RFPL2: variants seen among roughly 807,000 people sequenced by gnomAD.
RFPL2 encodes ret finger protein-like 2.
RFPL2 carries 13 observed loss-of-function variants against 17.8 expected under a neutral mutation model. The ratio of observed to expected loss-of-function variants is 0.73; its 90% CI spans 0.47 to 1.16. The LOEUF (loss-of-function observed/expected upper bound fraction) is 1.16, where lower values mean the gene tolerates loss of function less well. Among genes scored for constraint, RFPL2 ranks in the 50% most tolerant of loss-of-function variants. The pLI is 0.00. For synonymous variants in RFPL2, 189 were observed against 180.9 expected, an observed-to-expected ratio of 1.04 and a Z score of -0.36; for missense variants, 431 against 479.3, an observed-to-expected ratio of 0.90 and a Z score of 0.94.
intron 4 of RFPL2, among the ~76,000 whole-genome samples, 198 bp downstream of exon 4, chr22:32,192,704 A>G (rs141427979): frequency 0.011 from 1,715 of 152,318 alleles, 32 homozygotes; most frequent in African/African-American, 0.034. Context: ...TGACATAGAC[A>G]TCGGGTTTTT....
At chr22:32,196,860 C>T (rs1923388036) in intron 2 of RFPL2, among the ~76,000 whole-genome samples, 1 of 152,120 alleles carries the variant, frequency 6.6e-6, no homozygotes, top group South Asian at 2.1e-4. Flanking sequence ...GGACACGGAG[C>T]CACAGTCCGT....
chr22:32,202,822 C>T, intron 1 of RFPL2: 1 of 1,063,646 alleles, frequency 9.4e-7, no homozygotes, highest in Non-Finnish European at 1.1e-6. Flanking sequence ...CCAGCCCTCC[C>T]CACCCAAGTG....
At position 32,191,386 on chromosome 22, in the gene RFPL2, G is replaced by A; in HGVS notation, c.557-34C>T. On this transcript the variant is annotated intron_variant, in intron 4 of 4. Transcript: ENST00000652607. ...AGGAAAAAAAGTTGCTCAGCAAATG[G>A]ACAGAAACCAACCCTATGCCTCTCT... is the stretch of plus-strand genomic sequence containing the variant. 3 of 1,585,814 alleles carry A rather than the reference G, an allele frequency of 1.9e-6. No individual in the cohort carries two copies. In the East Asian group the frequency reaches 6.7e-5, roughly 36 times the overall value.
Position 32,191,828 on chromosome 22 carries a change from A to T in RFPL2, c.557-476T>A, listed in dbSNP as rs556102720. Among the ~76,000 whole-genome samples, 5 of 152,344 alleles carry T rather than the reference A, an allele frequency of 3.3e-5. No homozygotes were observed. In the South Asian group the frequency reaches 1.0e-3, roughly 32 times the overall value. On this transcript the variant is annotated intron_variant, in intron 4 of 4. Coordinates refer to ENST00000652607, the MANE Select transcript of RFPL2 (RefSeq NM_001394555.1). ...ATTAATCGTGTACAGTTCTGACAGA[A>T]GATGGAATATCTCTGCAGCTGACGG...
chr22:32,192,983 T>A lies in RFPL2; in HGVS notation c.475A>T (p.Arg159Trp). ...AGTTCCTTGATGTGGGAAGCCAGCCTCTCTAGCTGCCGATTGCGCCTGATT... is the reference window on the plus strand; with the variant it reads ...AGTTCCTTGATGTGGGAAGCCAGCCACTCTAGCTGCCGATTGCGCCTGATT... ...NKIRRNRQLE[R>W]LASHIKELEP... Residue 159 changes from arginine (R) to tryptophan (W), a missense_variant, in exon 4 of 5, where the codon AGG (arginine) becomes TGG (tryptophan). Physicochemically the swap from Arg to Trp is moderately radical, Grantham distance 101. Transcript: ENST00000652607. The A allele has an allele frequency of 6.2e-7, 1 of 1,614,132 alleles. No homozygotes were observed. Among genetic ancestry groups the A allele is most frequent in the South Asian group, 1.1e-5 (1 of 91,064 alleles).
intron 2 of RFPL2, among the ~76,000 whole-genome samples, chr22:32,200,730 C>T (rs1387817783): frequency 1.3e-5 from 2 of 152,028 alleles, no homozygotes; most frequent in Non-Finnish European, 2.9e-5. Context: ...GTCTTGAAAT[C>T]CTATTCTTGG....
At chr22:32,194,634 C>G (rs1265606328) in intron 2 of RFPL2, 144 bp from the exon 3 acceptor site, 1 of 775,442 alleles carries the variant, frequency 1.3e-6, no homozygotes, top group East Asian at 2.7e-5. Context: ...TTAAATTAGG[C>G]TTAATGTACT....
At chr22:32,200,182 C>A in intron 2 of RFPL2, 1 of 383,708 alleles carries the variant, frequency 2.6e-6, no homozygotes, top group Non-Finnish European at 5.2e-6. Flanking sequence ...TGCCGGGTCA[C>A]ACACAAAGAG....
intron 2 of RFPL2, among the ~76,000 whole-genome samples, chr22:32,195,431 G>A (rs1423169270): frequency 6.6e-6 from 1 of 151,434 alleles, no homozygotes; most frequent in Admixed American, 6.6e-5. Context: ...AGGATAATTA[G>A]CACACTCTAA....
chr22:32,191,242 T>C lies in RFPL2; in HGVS notation c.667A>G (p.Arg223Gly), dbSNP rs751688452. ...AGGATGCAAACGGACACGTCAAATC[T>C]CTCGGCAAGGTCTTGCCGATTCTGT... ...IRQNRQDLAE[R>G]FDVSVCILGS... Residue 223 changes from arginine (R) to glycine (G), a missense_variant, in exon 5 of 5, where the codon AGA becomes GGA. Transcript: ENST00000652607. 1 of 1,613,968 alleles carries C rather than the reference T, an allele frequency of 6.2e-7. No individual in the cohort carries two copies. Among genetic ancestry groups the C allele is most frequent in the Non-Finnish European group, 8.5e-7 (1 of 1,179,876 alleles).
intron 2 of RFPL2, among the ~76,000 whole-genome samples, chr22:32,197,312 C>A (rs184119072): frequency 6.6e-6 from 1 of 152,190 alleles, no homozygotes; most frequent in Non-Finnish European, 1.5e-5. Flanking sequence ...GGGACTGACC[C>A]AGAGGGTGGT....
intron 2 of RFPL2, among the ~76,000 whole-genome samples, chr22:32,194,934 A>C (rs1218393719): frequency 2.6e-5 from 4 of 152,228 alleles, no homozygotes; most frequent in South Asian, 2.1e-4. Flanking sequence ...CTATTTTGAC[A>C]AATGACCATT....
At position 32,193,120 on chromosome 22, in the gene RFPL2, G is replaced by A. The variant is rs754522150; in HGVS notation, c.338C>T (p.Ser113Phe). The A allele has an allele frequency of 3.1e-6, 5 of 1,613,866 alleles. No homozygotes were observed. The South Asian group carries it at 3.3e-5, about 11-fold the overall frequency. ...GCAGACGGCGCATCCACACTCCAGG[G>A]ACATTGGTTTTTCCAGATAGTCTGA... Reference protein sequence around the residue: ...VCSDYLEKPMSLECGCAVCLK... With the variant: ...VCSDYLEKPMFLECGCAVCLK... Residue 113 changes from serine to phenylalanine, a missense_variant, in exon 4 of 5, where the codon TCC becomes TTC. Ser to Phe is a radical substitution (Grantham distance 155, BLOSUM62 -2). Coordinates refer to ENST00000652607, the MANE Select transcript of RFPL2 (RefSeq NM_001394555.1).
chr22:32,194,421 G>C lies in RFPL2; in HGVS notation c.189C>G (p.Pro63=). Residue 63 remains proline (P), a synonymous_variant, in exon 3 of 5, where the codon CCC becomes CCG. Coordinates refer to ENST00000652607, the MANE Select transcript of RFPL2 (RefSeq NM_001394555.1). ...VGGGNLTNKR[P]SCAPSPQDLS... ...GGTCTTGTGGGGAAGGGGCACACGA[G>C]GGCCTTTTATTGGTGAGATTCCCAC... is the stretch of plus-strand genomic sequence containing the variant. 1 of 1,611,240 alleles carries C rather than the reference G, an allele frequency of 6.2e-7. No individual in the cohort carries two copies. The highest frequency in any genetic ancestry group is 8.5e-7 in the Non-Finnish European group (1 of 1,179,302).
rs145001977 is a variant in RFPL2, at chr22:32,200,256, C to T, written c.119+2077G>A. On this transcript the variant is annotated intron_variant, in intron 2 of 4. Coordinates refer to ENST00000652607, the MANE Select transcript of RFPL2 (RefSeq NM_001394555.1). The stretch of plus-strand genomic sequence containing the variant: ...TTAGGCCCCTGACCCTCGCCCCACC[C>T]ATGGGGGCCTGGAGCTGCAGGATCC... 1.1e-3 allele frequency: 279 copies of T among 265,408 alleles called. 2 individuals are homozygous for T. The South Asian group carries it at 0.011, about 11-fold the overall frequency. 16.4% of individuals were successfully genotyped at this position (265,408 alleles called of 1,614,324 possible).
At chr22:32,196,939 AT>A (rs1349833511) in intron 2 of RFPL2, among the ~76,000 whole-genome samples, 3 of 152,212 alleles carry the variant, frequency 2.0e-5, no homozygotes, top group African/African-American at 7.2e-5. Context: ...AATCTGCTTA[AT>A]TGACATTCAT....
intron 2 of RFPL2, among the ~76,000 whole-genome samples, chr22:32,195,295 CTG>C (rs1179516153): frequency 6.6e-6 from 1 of 152,168 alleles, no homozygotes; most frequent in South Asian, 2.1e-4. Context: ...TTAGAGGACT[CTG>C]AGACACTCAG....
chr22:32,196,917 C>G (rs1204647056), intron 2 of RFPL2, among the ~76,000 whole-genome samples: 1 of 152,186 alleles, frequency 6.6e-6, no homozygotes. Context: ...ATTTAAAAGG[C>G]AATTTCTTAT....
chr22:32,193,220 A>G (rs371826420), intron 3 of RFPL2, 28 bp from the exon 4 acceptor site: 11 of 1,613,904 alleles, frequency 6.8e-6, no homozygotes, highest in African/African-American at 6.7e-5. Flanking sequence ...CACAAGGTAA[A>G]AAAATTTCCA....
Sources: allele counts gnomAD v4.1 joint callset (sites outside exome capture counted in the v4.1 genomes callset), GRCh38; gene constraint gnomAD v4.1.1; transcripts MANE v1.5; gene names NCBI Gene and HGNC (gene_info 2026-07-23, HGNC 2026-07-21).